MYPN: variants seen among roughly 807,000 people sequenced by gnomAD.
The protein encoded by MYPN is sarcomeric protein myopalladin, 145 kDa (MYOP).
MYPN carries 63 observed loss-of-function variants against 129.4 expected under a neutral mutation model. The ratio of observed to expected loss-of-function variants is 0.49; its 90% CI spans 0.40 to 0.60. The LOEUF is 0.60. Ranked by LOEUF, MYPN falls within the 20% of genes least tolerant of loss-of-function variation. The pLI, the probability that MYPN is intolerant of heterozygous loss-of-function variation, is 0.00. For missense variants in MYPN, 1,596 were observed against 1,635.4 expected, an observed-to-expected ratio of 0.98 and a Z score of 0.42; for synonymous variants, 629 against 600.9, an observed-to-expected ratio of 1.05 and a Z score of -0.68.
At chr10:68,179,862 G>T (rs9629892) in intron 12 of MYPN, among the ~76,000 whole-genome samples, 2 of 151,956 alleles carry the variant, frequency 1.3e-5, no homozygotes, top group African/African-American at 4.8e-5. Flanking sequence ...AGGAGGTTTC[G>T]CCAAGATGAA....
chr10:68,183,488 AAT>A (rs1163221007), intron 12 of MYPN, among the ~76,000 whole-genome samples: 1 of 152,092 alleles, frequency 6.6e-6, no homozygotes, highest in African/African-American at 2.4e-5. Flanking sequence ...TGGAAAAAAA[AAT>A]AGTTCATAAT....
chr10:68,135,934 A>T (rs2042480378), intron 2 of MYPN, among the ~76,000 whole-genome samples: 3 of 152,328 alleles, frequency 2.0e-5, no homozygotes, highest in African/African-American at 7.2e-5. Context: ...AGAGGGAATA[A>T]CAGAAGTTGG....
Position 68,169,377 on chromosome 10 carries a change from AAG to A in MYPN, c.1973+2713_1973+2714del, listed in dbSNP as rs200052548. On this transcript the variant is annotated intron_variant, in intron 10 of 19. Coordinates refer to ENST00000358913, the MANE Select transcript of MYPN (RefSeq NM_032578.4). ...CGTCTCAAATTAAAAAAAAAAAAAA[AAG>A]AAGTGACTTCTCTCTCTAGGCCCCT... 3.3e-3 allele frequency among the ~76,000 whole-genome samples: 437 copies of A among 130,454 alleles called. 10 individuals carry two copies. Among genetic ancestry groups the A allele is most frequent in the African/African-American group, 0.015 (368 of 25,096 alleles). 85.6% of individuals were successfully genotyped at this position (130,454 alleles called of 152,430 possible). A position where few individuals can be genotyped will look rare whatever the true frequency, so the allele number is the denominator to read the frequency against.
intron 9 of MYPN, 103 bp from the exon 10 acceptor site, chr10:68,166,191 C>G: frequency 7.5e-7 from 1 of 1,338,330 alleles, no homozygotes; most frequent in South Asian, 1.2e-5. Flanking sequence ...AAGCATTTTC[C>G]CATTCATACA....
intron 16 of MYPN, among the ~76,000 whole-genome samples, chr10:68,198,436 C>T (rs1028795400): frequency 3.3e-5 from 5 of 152,176 alleles, no homozygotes; most frequent in African/African-American, 4.8e-5. Flanking sequence ...GCTTATGTCA[C>T]CCTTTCTGCC....
chr10:68,158,944 A>G (rs551267929), intron 7 of MYPN, among the ~76,000 whole-genome samples: 1 of 151,450 alleles, frequency 6.6e-6, no homozygotes, highest in Admixed American at 6.6e-5. Flanking sequence ...TCTGTCACCC[A>G]GGCTGGAGTG....
chr10:68,196,326 G>A (rs1338501449), intron 15 of MYPN, among the ~76,000 whole-genome samples: 1 of 152,094 alleles, frequency 6.6e-6, no homozygotes, highest in African/African-American at 2.4e-5. Flanking sequence ...AAAGAGCCTG[G>A]CTTTCCACCT....
chr10:68,119,103 C>T (rs913760318), intron 1 of MYPN, among the ~76,000 whole-genome samples: 4 of 152,072 alleles, frequency 2.6e-5, no homozygotes, highest in Admixed American at 6.6e-5. Context: ...TTTCAAATAA[C>T]ATTTTGCACC....
chr10:68,107,027 A>G (rs529306245), upstream of MYPN, among the ~76,000 whole-genome samples: 12 of 152,370 alleles, frequency 7.9e-5, no homozygotes, highest in Middle Eastern at 3.4e-3. Context: ...TTTTGTATCA[A>G]TAAACTCTGA....
upstream of MYPN, among the ~76,000 whole-genome samples, chr10:68,104,931 G>T (rs570818866): frequency 1.3e-5 from 2 of 151,800 alleles, no homozygotes; most frequent in African/African-American, 4.8e-5. Context: ...TTACAGGCAC[G>T]CACCACCACG....
At chr10:68,184,491 C>T (rs962706566) in intron 12 of MYPN, among the ~76,000 whole-genome samples, 2 of 152,072 alleles carry the variant, frequency 1.3e-5, no homozygotes, top group African/African-American at 4.8e-5. Context: ...TGCAATGGCA[C>T]GATCTTGACT....
chr10:68,191,361 C>A (rs998186111), intron 13 of MYPN, among the ~76,000 whole-genome samples: 3 of 151,822 alleles, frequency 2.0e-5, no homozygotes, highest in African/African-American at 4.8e-5. Flanking sequence ...GGGATGACAG[C>A]TGTGTGCCAC....
chr10:68,138,476 A>G (rs559629982), intron 2 of MYPN, among the ~76,000 whole-genome samples: 1 of 151,626 alleles, frequency 6.6e-6, no homozygotes, highest in Non-Finnish European at 1.5e-5. Context: ...AATAACCACT[A>G]ATCAGTTTTG....
intron 4 of MYPN, among the ~76,000 whole-genome samples, chr10:68,147,344 A>T (rs143856821): frequency 0.01 from 1,569 of 152,120 alleles, 17 homozygotes; most frequent in Middle Eastern, 0.044. Flanking sequence ...TTTAGTAGAG[A>T]TGGGGTTTCG....
At chr10:68,159,946 G>A (rs1417274737) in intron 7 of MYPN, among the ~76,000 whole-genome samples, 4 of 152,046 alleles carry the variant, frequency 2.6e-5, no homozygotes, top group East Asian at 1.9e-4. Context: ...ATGAACATAC[G>A]TATTACCTCA....
In MYPN at chr10:68,121,864, T is replaced by A; in HGVS notation, c.426T>A (p.Ser142=). Reference sequence around the variant, plus strand: ...AGGCAAAAAGGCCACAGTATTGTTCTGAAACCCAGTCCAAAAAAGTATTTT... The same window carrying A: ...AGGCAAAAAGGCCACAGTATTGTTCAGAAACCCAGTCCAAAAAAGTATTTT... ...PQEAKRPQYC[S]ETQSKKVFLN... is the part of the protein sequence containing the mutation. The change falls in exon 2 of 20, where the codon TCT becomes TCA. Residue 142 remains serine (S), a synonymous_variant. Coordinates refer to ENST00000358913, the MANE Select transcript of MYPN (RefSeq NM_032578.4). 6.2e-7 allele frequency: 1 copy of A among 1,614,222 alleles called. No homozygotes were observed. Among genetic ancestry groups the A allele is most frequent in the Non-Finnish European group, 8.5e-7 (1 of 1,180,032 alleles).
intron 13 of MYPN, among the ~76,000 whole-genome samples, chr10:68,192,657 G>C (rs996237187): frequency 6.6e-6 from 1 of 152,120 alleles, no homozygotes; most frequent in African/African-American, 2.4e-5. Context: ...TTTCTTGGAT[G>C]GGAGACTTTT....
At chr10:68,203,495 G>A (rs1032039541) in intron 18 of MYPN, among the ~76,000 whole-genome samples, 1 of 151,926 alleles carries the variant, frequency 6.6e-6, no homozygotes, top group Non-Finnish European at 1.5e-5. Flanking sequence ...AGGCTGAGGA[G>A]GGAGGATTGC....
intron 1 of MYPN, among the ~76,000 whole-genome samples, chr10:68,089,998 T>C (rs1034955251): frequency 3.3e-5 from 5 of 152,190 alleles, no homozygotes; most frequent in Non-Finnish European, 7.3e-5. Flanking sequence ...TGAAGTATGA[T>C]GTAGTGTGTC....
Sources: allele counts gnomAD v4.1 joint callset (sites outside exome capture counted in the v4.1 genomes callset), GRCh38; gene constraint gnomAD v4.1.1; transcripts MANE v1.5; gene names NCBI Gene and HGNC (gene_info 2026-07-23, HGNC 2026-07-21).